Variants in CACNA1C observed in about 807,000 individuals in gnomAD.
The protein encoded by CACNA1C is calcium voltage-gated channel subunit alpha1 C.
In CACNA1C, 30 loss-of-function variants were observed where a neutral mutation model predicts 229.0. The observed-to-expected ratio is 0.13, with a 90% CI of 0.10 to 0.18. The LOEUF (loss-of-function observed/expected upper bound fraction) is 0.18. Among genes scored for constraint, CACNA1C ranks in the 10% least tolerant of loss-of-function variants. The pLI is 1.00. For synonymous variants in CACNA1C, 1,114 were observed against 1,132.5 expected (o/e 0.98, Z 0.33); for missense variants, 1,658 against 2,845.0 (o/e 0.58, Z 9.49).
chr12:2,430,579 G>A (rs1567635072), intron 3 of CACNA1C, among the ~76,000 whole-genome samples: 4 of 152,102 alleles, frequency 2.6e-5, no homozygotes, highest in South Asian at 4.2e-4. Flanking sequence ...AGGTGGTGGG[G>A]GGGTCCGAGC....
chr12:2,010,179 A>C (rs1482862509), intron 1 of CACNA1C, among the ~76,000 whole-genome samples: 1 of 152,262 alleles, frequency 6.6e-6, no homozygotes, highest in Non-Finnish European at 1.5e-5. Context: ...TTCCCAGGGC[A>C]GCACATTCCC....
intron 1 of CACNA1C, among the ~76,000 whole-genome samples, chr12:2,045,989 T>C (rs757618439): frequency 9.2e-5 from 14 of 151,412 alleles, no homozygotes; most frequent in Non-Finnish European, 2.1e-4. Context: ...AAGGTGACCA[T>C]GGAGACAGTG....
intron 7 of CACNA1C, among the ~76,000 whole-genome samples, chr12:2,501,179 C>T (rs1006377590): frequency 7.7e-6 from 1 of 130,382 alleles, no homozygotes; most frequent in East Asian, 2.6e-4. Context: ...ACTGCACCTC[C>T]AGCCTGGGCG....
At chr12:2,334,332 A>T (rs1317332668) in intron 3 of CACNA1C, among the ~76,000 whole-genome samples, 1 of 152,212 alleles carries the variant, frequency 6.6e-6, no homozygotes, top group Non-Finnish European at 1.5e-5. Flanking sequence ...GGAGAGAGAA[A>T]GCCAGGGAAA....
At chr12:2,213,404 A>G (rs1393642670) in intron 3 of CACNA1C, among the ~76,000 whole-genome samples, 1 of 152,078 alleles carries the variant, frequency 6.6e-6, no homozygotes, top group Non-Finnish European at 1.5e-5. Flanking sequence ...CCTTCTGTGC[A>G]GGGCCCTGTC....
chr12:2,582,876 G>A lies in CACNA1C; in HGVS notation c.2158G>A (p.Gly720Ser). The A allele has an allele frequency of 6.2e-7, 1 of 1,611,012 alleles. No individual in the cohort carries two copies. The highest frequency in any genetic ancestry group is 8.5e-7 in the Non-Finnish European group (1 of 1,178,276). ...GATGTATGATGGGATCATGGCTTAT[G>A]GCGGCCCCTCTTTTCCAGGGATGTT... ...SVMYDGIMAY[G>S]GPSFPGMLVC... is the part of the protein sequence containing the mutation. Residue 720 changes from glycine (G) to serine (S), a missense_variant, in exon 15 of 47, where the codon GGC becomes AGC. Gly to Ser is a moderately conservative substitution (Grantham distance 56). This residue lies in a region of CACNA1C where 30 missense variants were observed against 73.2 expected (regional missense o/e 0.41). Coordinates refer to ENST00000399655, the MANE Select transcript of CACNA1C (RefSeq NM_000719.7).
At chr12:2,446,820 A>G (rs1039952210) in intron 3 of CACNA1C, among the ~76,000 whole-genome samples, 1 of 147,478 alleles carries the variant, frequency 6.8e-6, no homozygotes, top group African/African-American at 2.5e-5. Flanking sequence ...GGATGAATAG[A>G]TGGGTGAATG....
chr12:2,122,149 C>G (rs1425844857), intron 3 of CACNA1C, among the ~76,000 whole-genome samples: 1 of 152,114 alleles, frequency 6.6e-6, no homozygotes, highest in Non-Finnish European at 1.5e-5. Flanking sequence ...TCTTCTGGAG[C>G]TGGAGTGAGG....
rs565495657 is a variant in CACNA1C, at chr12:2,547,695, C to A, written c.1391-2248C>A. Reference sequence around the variant, plus strand: ...TGTTTGTGAAGGGATGGCAACCTGTCCCCCTCAAAGCCACTGCCTTATCAT... The same window carrying A: ...TGTTTGTGAAGGGATGGCAACCTGTACCCCTCAAAGCCACTGCCTTATCAT... On this transcript the variant is annotated intron_variant, in intron 9 of 46. Transcript: ENST00000399655. Among the ~76,000 whole-genome samples the A allele has an allele frequency of 2.4e-4, 36 of 152,218 alleles. 1 individual carries two copies. The highest frequency in any genetic ancestry group is 9.2e-4 in the Admixed American group (14 of 15,290).
intron 1 of CACNA1C, chr12:2,018,290 A>G (rs1031010105): frequency 1.3e-5 from 2 of 152,238 alleles, no homozygotes; most frequent in Admixed American, 1.3e-4. Flanking sequence ...AGCAAAGGGA[A>G]TGGTAAAATG....
At position 2,103,649 on chromosome 12, in the gene CACNA1C, C is replaced by T. The variant is rs977559229; in HGVS notation, c.50-11575C>T. On this transcript the variant is annotated intron_variant, in intron 1 of 46. Transcript: ENST00000399655. ...TGGTGTTTTAGTCATGAAGTCTTTG[C>T]CCATGCCAATGTCCTTAATGGTATT... Among the ~76,000 whole-genome samples the T allele has an allele frequency of 1.3e-5, 2 of 152,184 alleles. 1 individual carries two copies. The highest frequency in any genetic ancestry group is 1.3e-4 in the Admixed American group (2 of 15,282).
chr12:2,062,515 C>G (rs1353683857), intron 1 of CACNA1C, among the ~76,000 whole-genome samples: 1 of 152,182 alleles, frequency 6.6e-6, no homozygotes, highest in Non-Finnish European at 1.5e-5. Flanking sequence ...GGGAAAATGA[C>G]CTTGTCCTTG....
At chr12:2,047,404 C>T (rs1459480836) in intron 1 of CACNA1C, among the ~76,000 whole-genome samples, 2 of 152,170 alleles carry the variant, frequency 1.3e-5, no homozygotes, top group African/African-American at 4.8e-5. Flanking sequence ...CCATTATTAG[C>T]TTCATATTGT....
intron 1 of CACNA1C, among the ~76,000 whole-genome samples, chr12:2,023,096 A>G (rs2046742352): frequency 6.6e-6 from 1 of 152,130 alleles, no homozygotes; most frequent in Non-Finnish European, 1.5e-5. Flanking sequence ...GAGCCCCCCA[A>G]ATTATTAACT....
At chr12:2,607,200 C>T in intron 26 of CACNA1C, 70 bp downstream of exon 26, 1 of 1,507,994 alleles carries the variant, frequency 6.6e-7, no homozygotes, top group Non-Finnish European at 9.0e-7. Context: ...CAGCCCATCC[C>T]CAAGTTTTGT....
chr12:2,562,541 C>T (rs549086051), intron 11 of CACNA1C, among the ~76,000 whole-genome samples: 1 of 152,134 alleles, frequency 6.6e-6, no homozygotes, highest in Non-Finnish European at 1.5e-5. Context: ...CAGAGGCATG[C>T]CCTGCAAGAT....
chr12:2,499,341 C>T (rs1250436050), intron 7 of CACNA1C, among the ~76,000 whole-genome samples: 2 of 152,116 alleles, frequency 1.3e-5, no homozygotes, highest in East Asian at 1.9e-4. Context: ...GCCTCTCTCT[C>T]GACATTTGCT....
chr12:2,167,998 G>T (rs1048592755), intron 3 of CACNA1C, among the ~76,000 whole-genome samples: 3 of 152,180 alleles, frequency 2.0e-5, no homozygotes, highest in Non-Finnish European at 4.4e-5. Context: ...ACTACTCTGA[G>T]ATATTGGAAG....
intron 11 of CACNA1C, among the ~76,000 whole-genome samples, chr12:2,565,458 A>G (rs1311701999): frequency 7.2e-6 from 1 of 138,636 alleles, no homozygotes; most frequent in Non-Finnish European, 1.5e-5. Context: ...TGGGCGACAG[A>G]GCGAGACTCC....
Sources: allele counts gnomAD v4.1 joint callset (sites outside exome capture counted in the v4.1 genomes callset), GRCh38; gene constraint gnomAD v4.1.1; regional missense constraint gnomAD v4.1.1; transcripts MANE v1.5; gene names NCBI Gene and HGNC (gene_info 2026-07-23, HGNC 2026-07-21).